Variants in SLC35F4 observed in about 807,000 individuals in gnomAD.
SLC35F4 encodes chromosome 14 open reading frame 36.
A neutral mutation model predicts 44.2 loss-of-function variants in SLC35F4; 24 were observed. That is an observed-to-expected ratio of 0.54 (90% CI 0.39 to 0.76). SLC35F4 has a LOEUF of 0.76. Ranked by LOEUF, SLC35F4 falls within the 30% of genes least tolerant of loss-of-function variation. The probability of loss-of-function intolerance (pLI) is 0.00; values close to 1 mark genes in which losing one functional copy is unlikely to be tolerated. For missense variants in SLC35F4, 562 were observed against 586.1 expected (o/e 0.96, Z 0.42); for synonymous variants, 238 against 223.6 (o/e 1.06, Z -0.57).
At chr14:57,722,567 A>G (rs1408015470) in intron 1 of SLC35F4, among the ~76,000 whole-genome samples, 2 of 152,224 alleles carry the variant, frequency 1.3e-5, no homozygotes, top group Admixed American at 6.5e-5. Flanking sequence ...TTTAACTGCA[A>G]TGGGAGTAAT....
At chr14:57,909,247 T>C (rs1449817499) in intron 1 of SLC35F4, among the ~76,000 whole-genome samples, 2 of 152,156 alleles carry the variant, frequency 1.3e-5, no homozygotes, top group Non-Finnish European at 2.9e-5. Context: ...CCCATAGTGG[T>C]ATATTTGTTA....
At position 57,761,753 on chromosome 14, in the gene SLC35F4, A is replaced by G. The variant is rs563282303; in HGVS notation, c.103+103970T>C. Among the ~76,000 whole-genome samples the G allele has an allele frequency of 3.3e-5, 5 of 152,336 alleles. No homozygotes were observed. The South Asian group carries it at 1.0e-3, about 32-fold the overall frequency. On this transcript the variant is annotated intron_variant, in intron 1 of 7. Transcript: ENST00000556826. ...TAAAGCATAAAATTGATTTAAGATT[A>G]GCGCAAAAGATCTTGTGAAGGGAAC...
intron 1 of SLC35F4, among the ~76,000 whole-genome samples, chr14:57,960,187 G>T (rs552213641): frequency 6.6e-6 from 1 of 152,222 alleles, no homozygotes; most frequent in Non-Finnish European, 1.5e-5. Flanking sequence ...CTCTGAGGAA[G>T]CTGGTGATTG....
intron 1 of SLC35F4, chr14:57,630,044 G>A (rs941974799): frequency 2.0e-5 from 11 of 537,282 alleles, no homozygotes; most frequent in Admixed American, 3.9e-5. Context: ...TTCTACATTC[G>A]CTGTCCAAGA....
chr14:57,955,500 G>C (rs888927666), intron 1 of SLC35F4, among the ~76,000 whole-genome samples: 2 of 152,150 alleles, frequency 1.3e-5, no homozygotes, highest in African/African-American at 4.8e-5. Context: ...AAGTCAAATT[G>C]TCTCTGTTTG....
chr14:57,591,202 A>G (rs2070155622), intron 2 of SLC35F4, among the ~76,000 whole-genome samples: 2 of 152,224 alleles, frequency 1.3e-5, no homozygotes, highest in South Asian at 4.1e-4. Context: ...ACTTCAGCCC[A>G]TGGTCTAGTG....
chr14:57,916,573 T>C (rs1762872793), intron 1 of SLC35F4, among the ~76,000 whole-genome samples: 1 of 152,196 alleles, frequency 6.6e-6, no homozygotes, highest in Non-Finnish European at 1.5e-5. Context: ...AATTCTTCTG[T>C]TCCTTTCTCC....
At chr14:57,617,130 C>CTTTTTCTTTTT (rs2071878970) in intron 1 of SLC35F4, among the ~76,000 whole-genome samples, 1 of 99,248 alleles carries the variant, frequency 1.0e-5, no homozygotes, top group African/African-American at 3.8e-5. Flanking sequence ...TGTACTTATT[C>CTTTTTCTTTTT]TTTTTTTTTT....
intron 1 of SLC35F4, among the ~76,000 whole-genome samples, chr14:57,836,382 T>G (rs2140948569): frequency 6.6e-6 from 1 of 152,308 alleles, no homozygotes; most frequent in Non-Finnish European, 1.5e-5. Flanking sequence ...AACCTCCGAC[T>G]CCCTGGTTCA....
chr14:57,571,746 C>T (rs2068516368), intron 5 of SLC35F4, 148 bp downstream of exon 5: 3 of 1,154,028 alleles, frequency 2.6e-6, no homozygotes, highest in East Asian at 2.8e-5. Context: ...GGCAGGTACC[C>T]ATCACATAAC....
intron 1 of SLC35F4, among the ~76,000 whole-genome samples, chr14:57,875,558 T>C (rs1888382077): frequency 6.6e-6 from 1 of 152,200 alleles, no homozygotes; most frequent in Admixed American, 6.5e-5. Flanking sequence ...GGGGACTGAA[T>C]AGGATAGGCT....
In SLC35F4 at chr14:57,865,989, A is replaced by AGCGGCG. The variant is rs572660364; in HGVS notation, c.-170_-165dup. The stretch of plus-strand genomic sequence containing the variant: ...CGGCGCAGCACCGGCTCCGCATCAC[A>AGCGGCG]GCGGCGGCGGCGGCGGCGGCGGCGG... On this transcript the variant is annotated 5_prime_UTR_variant, in exon 1 of 8. Coordinates refer to ENST00000556826, the MANE Select transcript of SLC35F4 (RefSeq NM_001306087.2). 9,816 of 373,258 alleles carry AGCGGCG rather than the reference A, an allele frequency of 0.026. 1,010 individuals are homozygous for AGCGGCG. The East Asian group carries it at 0.32, about 12-fold the overall frequency. The allele number at this position is 373,258 out of a possible 1,614,324, so 23.1% of individuals were successfully genotyped here. A position where few individuals can be genotyped will look rare whatever the true frequency, so the allele number is the denominator to read the frequency against.
intron 1 of SLC35F4, among the ~76,000 whole-genome samples, chr14:57,795,949 CCCACCCT>C (rs1280218041): frequency 6.6e-6 from 1 of 152,102 alleles, no homozygotes; most frequent in Non-Finnish European, 1.5e-5. Flanking sequence ...TCGCCCACCT[CCCACCCT>C]CCACCCTCAA....
chr14:57,756,617 A>G (rs1277128647), intron 1 of SLC35F4, among the ~76,000 whole-genome samples: 1 of 151,872 alleles, frequency 6.6e-6, no homozygotes, highest in African/African-American at 2.4e-5. Context: ...ATGTTGTTCA[A>G]GTCTTCTATA....
chr14:57,904,733 G>A (rs566998806), intron 1 of SLC35F4, among the ~76,000 whole-genome samples: 5 of 152,232 alleles, frequency 3.3e-5, no homozygotes, highest in East Asian at 3.9e-4. Flanking sequence ...TAAAGATGAG[G>A]CAAGTGAGGC....
chr14:57,645,750 G>C (rs1010449390), intron 1 of SLC35F4, among the ~76,000 whole-genome samples: 5 of 151,152 alleles, frequency 3.3e-5, no homozygotes, highest in Admixed American at 6.6e-5. Context: ...TATGATATTG[G>C]CTGTAGGCTT....
At chr14:57,686,667 C>T (rs1316233542) in intron 1 of SLC35F4, among the ~76,000 whole-genome samples, 1 of 152,112 alleles carries the variant, frequency 6.6e-6, no homozygotes, top group African/African-American at 2.4e-5. Flanking sequence ...TGGAGAATTC[C>T]ATTTCGGCAC....
chr14:57,929,205 A>G (rs1594631972), intron 1 of SLC35F4, among the ~76,000 whole-genome samples: 1 of 152,212 alleles, frequency 6.6e-6, no homozygotes. Context: ...ATGGCTGGCC[A>G]AACAAATTGT....
chr14:57,844,210 T>A (rs2140968402), intron 1 of SLC35F4, among the ~76,000 whole-genome samples: 1 of 152,256 alleles, frequency 6.6e-6, no homozygotes, highest in Admixed American at 6.5e-5. Context: ...GTCAGAAATA[T>A]CCAGAAATGT....
Sources: allele counts gnomAD v4.1 joint callset (sites outside exome capture counted in the v4.1 genomes callset), GRCh38; gene constraint gnomAD v4.1.1; transcripts MANE v1.5; gene names NCBI Gene and HGNC (gene_info 2026-07-23, HGNC 2026-07-21).